NDUFAF6: variants seen among roughly 807,000 people sequenced by gnomAD.
NDUFAF6 encodes the protein NADH dehydrogenase (ubiquinone) complex I, assembly factor 6.
In NDUFAF6, 45 loss-of-function variants were observed where a neutral mutation model predicts 40.8. That is an observed-to-expected ratio of 1.10 (90% confidence interval 0.87 to 1.42). NDUFAF6 has a LOEUF of 1.42. Ranked by LOEUF, NDUFAF6 falls within the 40% of genes most tolerant of loss-of-function variation. NDUFAF6 has a pLI of 0.00. For synonymous variants in NDUFAF6, 185 were observed against 155.9 expected, an observed-to-expected ratio of 1.19 and a Z score of -1.39; for missense variants, 435 against 418.5, an observed-to-expected ratio of 1.04 and a Z score of -0.34.
intron 1 of NDUFAF6, among the ~76,000 whole-genome samples, chr8:94,921,352 C>A (rs913098846): frequency 5.9e-5 from 9 of 152,188 alleles, no homozygotes; most frequent in African/African-American, 2.2e-4. Context: ...ATCTTACTAG[C>A]TTTGACTGGG....
chr8:95,002,815 A>C (rs1222113654), intron 2 of NDUFAF6, among the ~76,000 whole-genome samples: 1 of 152,206 alleles, frequency 6.6e-6, no homozygotes, highest in Non-Finnish European at 1.5e-5. Context: ...GGCTCATACA[A>C]TTGACAAGTC....
intron 1 of NDUFAF6, among the ~76,000 whole-genome samples, chr8:94,905,705 TG>T (rs1818351144): frequency 1.3e-5 from 2 of 152,224 alleles, no homozygotes; most frequent in African/African-American, 4.8e-5. Context: ...CTAGTGTTCT[TG>T]CCCTCTTCCT....
downstream of NDUFAF6, among the ~76,000 whole-genome samples, chr8:95,104,387 T>A (rs984254526): frequency 1.3e-5 from 2 of 152,198 alleles, no homozygotes; most frequent in African/African-American, 4.8e-5. Context: ...CTCCCAGTTC[T>A]TATATCTAGT....
At chr8:95,097,948 A>G (rs1809521052), upstream of NDUFAF6, among the ~76,000 whole-genome samples, 1 of 152,034 alleles carries the variant, frequency 6.6e-6, no homozygotes, top group Admixed American at 6.6e-5. Flanking sequence ...TTTGAGGGAG[A>G]CTTGTGGTTG....
intron 9 of NDUFAF6, chr8:95,068,093 T>C: frequency 6.6e-6 from 1 of 151,844 alleles, no homozygotes; most frequent in East Asian, 1.9e-4. Flanking sequence ...TTGTTGGGGA[T>C]TTTTTATTTG....
chr8:95,084,299 C>A (rs1808968870), intron 2 of NDUFAF6, among the ~76,000 whole-genome samples: 1 of 151,862 alleles, frequency 6.6e-6, no homozygotes, highest in Non-Finnish European at 1.5e-5. Context: ...CCTATTATTT[C>A]TTTATATATA....
intron 2 of NDUFAF6, among the ~76,000 whole-genome samples, chr8:95,001,601 ATTTTTTGCCCAGGTAT>A (rs1433873866): frequency 6.6e-6 from 1 of 152,100 alleles, no homozygotes; most frequent in African/African-American, 2.4e-5. Context: ...CACTTTTGGT[ATTTTTTGCCCAGGTAT>A]TTTTTTGCCT....
Position 95,052,149 on chromosome 8 carries a change from A to C in NDUFAF6, c.817-25A>C, listed in dbSNP as rs1295292568. Reference sequence around the variant, plus strand: ...GTGTTTATTTGCTTAATTTTGAACGAGCTTCCTCTCCTCTTCCTTTTTAGG... The same window carrying C: ...GTGTTTATTTGCTTAATTTTGAACGCGCTTCCTCTCCTCTTCCTTTTTAGG... On this transcript the variant is annotated intron_variant, in intron 7 of 8. Transcript: ENST00000396124. 1.9e-6 allele frequency: 3 copies of C among 1,613,078 alleles called. No homozygotes were observed. In the South Asian group the frequency reaches 3.3e-5, roughly 18 times the overall value.
intron 1 of NDUFAF6, among the ~76,000 whole-genome samples, chr8:94,979,766 G>C (rs1169439199): frequency 6.6e-6 from 1 of 152,172 alleles, no homozygotes; most frequent in African/African-American, 2.4e-5. Context: ...TGTAAAAAAA[G>C]ACCATGACAA....
intron 1 of NDUFAF6, among the ~76,000 whole-genome samples, chr8:94,916,678 G>C (rs1266468225): frequency 6.6e-6 from 1 of 151,970 alleles, no homozygotes; most frequent in African/African-American, 2.4e-5. Flanking sequence ...CCTGGGTGTG[G>C]TGGCACGTGC....
intron 2 of NDUFAF6, among the ~76,000 whole-genome samples, chr8:94,986,314 A>G (rs1825897546): frequency 6.6e-6 from 1 of 152,356 alleles, no homozygotes; most frequent in African/African-American, 2.4e-5. Context: ...TCTACTAATA[A>G]ATATCTTGGC....
intron 7 of NDUFAF6, among the ~76,000 whole-genome samples, chr8:95,050,827 A>G (rs549906878): frequency 5.3e-5 from 8 of 152,364 alleles, no homozygotes; most frequent in African/African-American, 1.9e-4. Context: ...ACGTGCCCAC[A>G]CATAACAAGT....
At chr8:94,953,401 A>C (rs1035653532), upstream of NDUFAF6, among the ~76,000 whole-genome samples, 2 of 152,060 alleles carry the variant, frequency 1.3e-5, no homozygotes, top group African/African-American at 2.4e-5. Flanking sequence ...GTCATCCCTT[A>C]CTGGATATGG....
At chr8:95,052,678 C>G (rs557221464) in intron 8 of NDUFAF6, among the ~76,000 whole-genome samples, 92 of 152,230 alleles carry the variant, frequency 6.0e-4, no homozygotes, top group Non-Finnish European at 1.9e-4. Context: ...AACAGTGGTT[C>G]ATAGCCCACT....
At chr8:94,963,259 TA>T (rs1364300495) in intron 1 of NDUFAF6, among the ~76,000 whole-genome samples, 4 of 152,208 alleles carry the variant, frequency 2.6e-5, no homozygotes, top group Admixed American at 1.3e-4. Flanking sequence ...AAATGGCATT[TA>T]ACAAGCATTT....
intron 2 of NDUFAF6, among the ~76,000 whole-genome samples, chr8:95,013,491 A>C (rs1000591728): frequency 6.6e-6 from 1 of 152,212 alleles, no homozygotes; most frequent in Non-Finnish European, 1.5e-5. Flanking sequence ...TGCTTTCTTC[A>C]AATAGTTGAT....
In NDUFAF6 at chr8:95,047,438, CTTTAT is replaced by C. The variant is rs112902612; in HGVS notation, c.714+323_714+327del. ...TTCCTAGCGTTCACCTTAGCCTGTT[CTTTAT>C]TTTATTTTATTGGAGTAAGTCATTT... On this transcript the variant is annotated intron_variant, in intron 6 of 8. Transcript: ENST00000396124. Among the ~76,000 whole-genome samples, 1,925 of 147,086 alleles carry C rather than the reference CTTTAT, an allele frequency of 0.013. 31 individuals carry two copies. Among genetic ancestry groups the C allele is most frequent in the African/African-American group, 0.045 (1,798 of 39,936 alleles).
chr8:95,052,147 C>T (rs374936506), intron 7 of NDUFAF6, 27 bp from the exon 8 acceptor site: 9 of 1,612,420 alleles, frequency 5.6e-6, no homozygotes, highest in Admixed American at 3.3e-5. Context: ...TAATTTTGAA[C>T]GAGCTTCCTC....
At chr8:94,997,895 T>A (rs1168247451) in intron 2 of NDUFAF6, among the ~76,000 whole-genome samples, 1 of 152,246 alleles carries the variant, frequency 6.6e-6, no homozygotes, top group Non-Finnish European at 1.5e-5. Context: ...TGACAACTAC[T>A]GAGTGTTCTT....
Sources: allele counts gnomAD v4.1 joint callset (sites outside exome capture counted in the v4.1 genomes callset), GRCh38; gene constraint gnomAD v4.1.1; transcripts MANE v1.5; gene names NCBI Gene and HGNC (gene_info 2026-07-23, HGNC 2026-07-21).